MYT1: variants seen among roughly 807,000 people sequenced by gnomAD.
MYT1 encodes myelin transcription factor I.
A neutral mutation model predicts 123.0 loss-of-function variants in MYT1; 23 were observed. The observed-to-expected ratio is 0.19, with a 90% CI of 0.13 to 0.26. MYT1 has a LOEUF of 0.26. Ranked by LOEUF, MYT1 falls within the 10% of genes least tolerant of loss-of-function variation. The probability of loss-of-function intolerance (pLI) is 1.00; values close to 1 mark genes in which losing one functional copy is unlikely to be tolerated. For missense variants in MYT1, 1,125 were observed against 1,472.5 expected (o/e 0.76, Z 3.86); for synonymous variants, 518 against 575.3 (o/e 0.90, Z 1.43).
chr20:64,212,014 GCCTCGGCTC>G lies in MYT1; in HGVS notation c.1427-29_1427-21del, dbSNP rs1371407930. 1.3e-6 allele frequency: 2 copies of G among 1,577,580 alleles called. No individual in the cohort carries two copies. Among genetic ancestry groups the G allele is most frequent in the Non-Finnish European group, 1.7e-6 (2 of 1,148,172 alleles). Reference sequence around the variant, plus strand: ...CTGGCGCTCCCCAGATTCTCTGACAGCCTCGGCTCCCTCCACCCCCTGTTCTCTTACAGT... The same window carrying G: ...CTGGCGCTCCCCAGATTCTCTGACAGCCTCCACCCCCTGTTCTCTTACAGT... On this transcript the variant is annotated intron_variant, in intron 8 of 22. Transcript: ENST00000328439. The surrounding 1 kb of genome is among the most constrained non-coding windows in gnomAD (Gnocchi z 6.8).
In MYT1 at chr20:64,168,312, C is replaced by T. The variant is rs1569303158; in HGVS notation, c.-99+3573C>T. Among the ~76,000 whole-genome samples the T allele has an allele frequency of 1.3e-5, 2 of 152,230 alleles. No homozygotes were observed. Among genetic ancestry groups the T allele is most frequent in the African/African-American group, 2.4e-5 (1 of 41,462 alleles). On this transcript the variant is annotated intron_variant, in intron 1 of 22. Transcript: ENST00000328439. The surrounding 1 kb of genome is among the most constrained non-coding windows in gnomAD (Gnocchi z 6.1). ...CTGTTTCTCTTCAGTGTTACTGGAA[C>T]TAACCAGATACAAGTGTGGAGTCTT...
rs1226654525 is a variant in MYT1 at position 64,166,638 on chromosome 20, T to A, written c.-99+1899T>A. Among the ~76,000 whole-genome samples, 1 of 152,202 alleles carries A rather than the reference T, an allele frequency of 6.6e-6. No individual in the cohort carries two copies. Among genetic ancestry groups the A allele is most frequent in the Non-Finnish European group, 1.5e-5 (1 of 68,024 alleles). On this transcript the variant is annotated intron_variant, in intron 1 of 22. Coordinates refer to ENST00000328439, the MANE Select transcript of MYT1 (RefSeq NM_004535.3). The surrounding 1 kb of genome is among the most constrained non-coding windows in gnomAD (Gnocchi z 4.9). ...ATTGCCCACAGATCTGGAGGTAGCC[T>A]CAGTTGTTCAGAGCTAATGCTCTGG...
In MYT1 at chr20:64,186,356, C is replaced by G. The variant is rs1196948202; in HGVS notation, c.-98-3707C>G. Among the ~76,000 whole-genome samples the G allele has an allele frequency of 4.6e-5, 7 of 152,184 alleles. No homozygotes were observed. The highest frequency in any genetic ancestry group is 4.6e-4 in the Admixed American group (7 of 15,282). The stretch of plus-strand genomic sequence containing the variant: ...TCAGGATGGAGCGGTCTCTGATGTT[C>G]CGTTTCCCATTCGCATCCACGAGCA... On this transcript the variant is annotated intron_variant, in intron 1 of 22. Transcript: ENST00000328439. The surrounding 1 kb of genome is among the most constrained non-coding windows in gnomAD (Gnocchi z 4.3).
At chr20:64,173,169 T>C (rs1487857991) in intron 1 of MYT1, among the ~76,000 whole-genome samples, 2 of 152,098 alleles carry the variant, frequency 1.3e-5, no homozygotes, top group African/African-American at 2.4e-5. Context: ...GCGAGTCCAG[T>C]TGTGCCTGAT....
intron 3 of MYT1, 48 bp downstream of exon 3, chr20:64,198,964 CCG>C (rs1983210108): frequency 1.3e-6 from 2 of 1,599,922 alleles, no homozygotes; most frequent in South Asian, 2.2e-5. Context: ...CCACTTTCCT[CCG>C]CGGTCTTCCT....
At chr20:64,237,476 C>A in intron 21 of MYT1, 86 bp downstream of exon 21, 1 of 1,058,732 alleles carries the variant, frequency 9.4e-7, no homozygotes, top group Admixed American at 2.1e-5. Flanking sequence ...TCCGTCGGCA[C>A]TCATCAAGGT....
At chr20:64,215,710 G>A (rs556247963) in intron 10 of MYT1, among the ~76,000 whole-genome samples, 7 of 151,478 alleles carry the variant, frequency 4.6e-5, no homozygotes, top group South Asian at 2.1e-4. Flanking sequence ...TCAGCCTCCC[G>A]AGTACCTAGG....
Position 64,213,556 on chromosome 20 carries a change from G to C in MYT1, c.1540G>C (p.Ala514Pro). The C allele has an allele frequency of 6.2e-7, 1 of 1,614,028 alleles. No homozygotes were observed. ...TAGTTTGTCTGGGTGTCCCATTGCTGCCGCCGAAAAATTAGCCAAATCCCA... is the reference window on the plus strand; with the variant it reads ...TAGTTTGTCTGGGTGTCCCATTGCTCCCGCCGAAAAATTAGCCAAATCCCA... ...HRSLSGCPIA[A>P]AEKLAKSHEK... is the part of the protein sequence containing the mutation. Residue 514 changes from alanine (A) to proline (P), a missense_variant, in exon 10 of 23, where the codon GCC becomes CCC. By Grantham distance (27) the Ala-to-Pro change is conservative (BLOSUM62 -1). Around this residue, in one of 4 missense-constraint regions of MYT1, gnomAD observed 429 missense variants for 604.1 expected, o/e 0.71. Coordinates refer to ENST00000328439, the MANE Select transcript of MYT1 (RefSeq NM_004535.3). This position sits in a 1 kb window ranked among gnomAD's most constrained non-coding sequence, Gnocchi z 5.6.
intron 16 of MYT1, among the ~76,000 whole-genome samples, chr20:64,223,962 A>G (rs1004761188): frequency 6.6e-6 from 1 of 152,174 alleles, no homozygotes; most frequent in Admixed American, 6.5e-5. Context: ...TGGGCAGGGC[A>G]GGCCCTGCAG....
At chr20:64,165,360 C>T (rs931762473) in intron 1 of MYT1, among the ~76,000 whole-genome samples, 2 of 152,100 alleles carry the variant, frequency 1.3e-5, no homozygotes, top group Non-Finnish European at 2.9e-5. Context: ...TTTTTCGCTA[C>T]GTGTCCGTGC....
chr20:64,231,694 G>T lies in MYT1; in HGVS notation c.2676-470G>T, dbSNP rs1984325800. 6.6e-6 allele frequency among the ~76,000 whole-genome samples: 1 copy of T among 152,198 alleles called. No homozygotes were observed. The highest frequency in any genetic ancestry group is 2.4e-5 in the African/African-American group (1 of 41,466). On this transcript the variant is annotated intron_variant, in intron 18 of 22. Transcript: ENST00000328439. This position sits in a 1 kb window ranked among gnomAD's most constrained non-coding sequence, Gnocchi z 6.4. The stretch of plus-strand genomic sequence containing the variant: ...GCCTCTGCTGTCCCTGAGCTCCCCT[G>T]CTTAGGGGACCTTGTCATTCTTTTG...
At position 64,168,834 on chromosome 20, in the gene MYT1, G is replaced by A. The variant is rs1982157579; in HGVS notation, c.-99+4095G>A. On this transcript the variant is annotated intron_variant, in intron 1 of 22. Coordinates refer to ENST00000328439, the MANE Select transcript of MYT1 (RefSeq NM_004535.3). This position sits in a 1 kb window ranked among gnomAD's most constrained non-coding sequence, Gnocchi z 6.1. Reference sequence around the variant, plus strand: ...GCTCTGCAGGAGTCAGGGTGGCCAGGCAAGGTGGGGGTGAGCACTGGGGAT... The same window carrying A: ...GCTCTGCAGGAGTCAGGGTGGCCAGACAAGGTGGGGGTGAGCACTGGGGAT... Among the ~76,000 whole-genome samples the A allele has an allele frequency of 6.6e-6, 1 of 152,226 alleles. No homozygotes were observed. Among genetic ancestry groups the A allele is most frequent in the Non-Finnish European group, 1.5e-5 (1 of 68,040 alleles).
chr20:64,201,914 C>CCGTGTGTCGGGAACCCCT (rs1983317335), intron 4 of MYT1, among the ~76,000 whole-genome samples: 1 of 134,286 alleles, frequency 7.4e-6, no homozygotes, highest in African/African-American at 2.7e-5. Flanking sequence ...TCGGGAACCC[C>CCGTGTGTCGGGAACCCCT]CGCGTGTCGG....
At chr20:64,228,171 C>T (rs1984225460) in intron 18 of MYT1, 200 bp downstream of exon 18, 2 of 593,630 alleles carry the variant, frequency 3.4e-6, no homozygotes, top group South Asian at 4.3e-5. Flanking sequence ...GATAGGAGCC[C>T]TGGATGTCGC....
intron 16 of MYT1, among the ~76,000 whole-genome samples, 159 bp downstream of exon 16, chr20:64,223,518 C>T (rs1339493990): frequency 6.6e-6 from 1 of 152,048 alleles, no homozygotes; most frequent in East Asian, 1.9e-4. Context: ...GTGGAGGGGC[C>T]GATTCTGCTT....
intron 7 of MYT1, among the ~76,000 whole-genome samples, chr20:64,209,770 T>C (rs1480039735): frequency 6.6e-6 from 1 of 152,084 alleles, no homozygotes; most frequent in Non-Finnish European, 1.5e-5. Flanking sequence ...GAGGGACATG[T>C]TTTCCGGGAA....
In MYT1 at chr20:64,231,982, ACT is replaced by A. The variant is rs768654231; in HGVS notation, c.2676-180_2676-179del. Among the ~76,000 whole-genome samples, 13 of 151,958 alleles carry A rather than the reference ACT, an allele frequency of 8.6e-5. No homozygotes were observed. Among genetic ancestry groups the A allele is most frequent in the Non-Finnish European group, 1.8e-4 (12 of 67,946 alleles). On this transcript the variant is annotated intron_variant, in intron 18 of 22. Coordinates refer to ENST00000328439, the MANE Select transcript of MYT1 (RefSeq NM_004535.3). The surrounding 1 kb of genome is among the most constrained non-coding windows in gnomAD (Gnocchi z 6.4). ...GAGGGAGCGTGGCCCGGGTCTTCAC[ACT>A]CAGCCCGGAAGGGCCAGTTCTTCCC...
chr20:64,213,689 A>G lies in MYT1; in HGVS notation c.1631+42A>G. On this transcript the variant is annotated intron_variant, in intron 10 of 22. Coordinates refer to ENST00000328439, the MANE Select transcript of MYT1 (RefSeq NM_004535.3). This position sits in a 1 kb window ranked among gnomAD's most constrained non-coding sequence, Gnocchi z 5.6. ...ACAGAACTGAAGAGGCTGCCTCCCAAATGCCTGCAGAGGGCTTCTCAGTCT... is the reference window on the plus strand; with the variant it reads ...ACAGAACTGAAGAGGCTGCCTCCCAGATGCCTGCAGAGGGCTTCTCAGTCT... The G allele has an allele frequency of 6.5e-7, 1 of 1,543,698 alleles. No individual in the cohort carries two copies. The highest frequency in any genetic ancestry group is 8.9e-7 in the Non-Finnish European group (1 of 1,118,516).
intron 2 of MYT1, among the ~76,000 whole-genome samples, chr20:64,195,009 C>T (rs1983067153): frequency 6.6e-6 from 1 of 152,082 alleles, no homozygotes. Flanking sequence ...GATTCTCCTG[C>T]CTCAGCCTCC....
Sources: gnomAD v4.1 joint callset for allele counts (sites outside exome capture counted in the v4.1 genomes callset) on GRCh38, gnomAD v4.1.1 for gene constraint, gnomAD v4.1.1 regional missense constraint, Gnocchi (gnomAD v3.1) non-coding constraint, MANE v1.5 for transcripts, NCBI Gene and HGNC (gene_info 2026-07-23, HGNC 2026-07-21) for gene names.